BLTP1: variants seen among roughly 807,000 people sequenced by gnomAD.
BLTP1 encodes bridge-like lipid transfer protein family member 1.
chr4:122,183,178 A>ATACAAAAAT, the BLTP1 span: 1 of 435,386 alleles, frequency 2.3e-6, no homozygotes, highest in African/African-American at 2.2e-5. Flanking sequence ...TCTACAAAAA[A>ATACAAAAAT]TACAAAAATT....
chr4:122,249,798 G>T, the BLTP1 span: 77 of 1,453,784 alleles, frequency 5.3e-5, no homozygotes, highest in Non-Finnish European at 6.7e-5. Context: ...AAAGCAGAAA[G>T]TGTGGTATCT....
the BLTP1 span, among the ~76,000 whole-genome samples, chr4:122,285,624 A>G: frequency 1.3e-5 from 2 of 152,180 alleles, no homozygotes; most frequent in African/African-American, 2.4e-5. Context: ...CTTGATTAGT[A>G]TTTTGAAAAA....
the BLTP1 span, among the ~76,000 whole-genome samples, chr4:122,311,676 C>T: frequency 1.3e-5 from 2 of 151,962 alleles, no homozygotes; most frequent in Non-Finnish European, 2.9e-5. Flanking sequence ...CAAGGACAGT[C>T]TATAGGAAGA....
the BLTP1 span, among the ~76,000 whole-genome samples, chr4:122,335,170 T>A: frequency 6.6e-6 from 1 of 152,054 alleles, no homozygotes; most frequent in East Asian, 1.9e-4. Flanking sequence ...GCTTCTCTAC[T>A]GGGCTTCTTG....
the BLTP1 span, among the ~76,000 whole-genome samples, chr4:122,295,976 G>A: frequency 0.016 from 2,394 of 152,092 alleles, 70 homozygotes; most frequent in African/African-American, 0.053. Flanking sequence ...AGCTAATATC[G>A]TACTGAATGT....
At chr4:122,343,925 C>T in the BLTP1 span, 3 of 901,430 alleles carry the variant, frequency 3.3e-6, no homozygotes, top group South Asian at 1.5e-4. Context: ...TCCATTTATA[C>T]AACAAACTGC....
chr4:122,348,967 G>A, the BLTP1 span: 13 of 556,506 alleles, frequency 2.3e-5, no homozygotes, highest in Middle Eastern at 4.8e-4. Flanking sequence ...AGCTTTTCTA[G>A]CTAGGAGTAA....
chr4:122,172,226 A>G, the BLTP1 span: 1 of 589,420 alleles, frequency 1.7e-6, no homozygotes, highest in Non-Finnish European at 2.1e-6. Flanking sequence ...TTTAAAAGTT[A>G]AGGACTTAAT....
At chr4:122,330,676 C>G in the BLTP1 span, among the ~76,000 whole-genome samples, 1 of 151,896 alleles carries the variant, frequency 6.6e-6, no homozygotes, top group South Asian at 2.1e-4. Flanking sequence ...GCCTTTTCAC[C>G]CTATTGTTTC....
chr4:122,249,264 C>A, the BLTP1 span: 60 of 539,226 alleles, frequency 1.1e-4, no homozygotes, highest in Middle Eastern at 2.8e-3. Flanking sequence ...GAAACAAATT[C>A]ATACTACCTT....
the BLTP1 span, chr4:122,343,494 C>T: frequency 6.2e-7 from 1 of 1,614,092 alleles, no homozygotes; most frequent in Non-Finnish European, 8.5e-7. Flanking sequence ...AGTAGTTCAT[C>T]TGGCTTGAGC....
At chr4:122,343,489 T>C in the BLTP1 span, 1 of 1,614,112 alleles carries the variant, frequency 6.2e-7, no homozygotes, top group Non-Finnish European at 8.5e-7. Context: ...CCAGCAGTAG[T>C]TCATCTGGCT....
At chr4:122,347,173 C>T in the BLTP1 span, 8 of 984,238 alleles carry the variant, frequency 8.1e-6, no homozygotes, top group Non-Finnish European at 9.7e-6. Context: ...AGCTTGCCTG[C>T]ATTTGTCTGC....
the BLTP1 span, chr4:122,184,933 G>A: frequency 7.1e-6 from 7 of 984,156 alleles, no homozygotes; most frequent in African/African-American, 1.2e-4. Flanking sequence ...TATTCCTACA[G>A]ATGCCAAATA....
chr4:122,277,399 T>C, the BLTP1 span: 4 of 956,756 alleles, frequency 4.2e-6, no homozygotes, highest in East Asian at 4.6e-4. Flanking sequence ...CATTATGGCT[T>C]CTACATAAAT....
the BLTP1 span, chr4:122,272,533 C>A: frequency 1.4e-6 from 1 of 701,854 alleles, no homozygotes; most frequent in Non-Finnish European, 2.3e-6. Context: ...AAAAACTGGA[C>A]TTCCCAAATT....
the BLTP1 span, among the ~76,000 whole-genome samples, chr4:122,244,317 C>G: frequency 6.6e-6 from 1 of 152,024 alleles, no homozygotes. Context: ...ATACCAAAAT[C>G]CACAGATGCT....
At chr4:122,224,428 G>A in the BLTP1 span, 7 of 1,491,436 alleles carry the variant, frequency 4.7e-6, no homozygotes, top group African/African-American at 1.4e-5. Flanking sequence ...AGGGGGTGTG[G>A]GGGGAAACAA....
chr4:122,281,815 T>C, the BLTP1 span: 1 of 1,444,970 alleles, frequency 6.9e-7, no homozygotes, highest in Non-Finnish European at 9.1e-7. Context: ...AAATTTATGA[T>C]TTGTTTGAGA....
Sources: gnomAD v4.1 joint callset for allele counts (sites outside exome capture counted in the v4.1 genomes callset) on GRCh38, gnomAD v4.1.1 for gene constraint, MANE v1.5 for transcripts, NCBI Gene and HGNC (gene_info 2026-07-23, HGNC 2026-07-21) for gene names.